Variants in GBX1 observed in about 807,000 individuals in gnomAD.
GBX1 encodes the protein homeobox protein GBX-1.
GBX1 carries 9 observed loss-of-function variants against 22.9 expected under a neutral mutation model. The observed-to-expected ratio is 0.39, with a 90% CI of 0.24 to 0.69. The LOEUF is 0.69. Among genes scored for constraint, GBX1 ranks in the 30% least tolerant of loss-of-function variants. The probability of loss-of-function intolerance (pLI) is 0.43; values close to 1 mark genes in which losing one functional copy is unlikely to be tolerated. For synonymous variants in GBX1, 203 were observed against 227.3 expected, an observed-to-expected ratio of 0.89 and a Z score of 0.96; for missense variants, 494 against 509.2, an observed-to-expected ratio of 0.97 and a Z score of 0.29.
chr7:151,167,408 G>A lies in GBX1; in HGVS notation c.141C>T (p.Pro47=). 2.6e-6 allele frequency: 4 copies of A among 1,519,850 alleles called. No individual in the cohort carries two copies. The highest frequency in any genetic ancestry group is 3.5e-6 in the Non-Finnish European group (4 of 1,135,164). The allele number at this position is 1,519,850 out of a possible 1,614,324, so 94.1% of individuals were successfully genotyped here. ...RSGHLLYTGY[P]MFMPYRPLVL... ...CGAGCGGCCGGTAGGGCATGAACAT[G>A]GGGTAGCCGGTGTACAGCAAGTGGC... The change falls in exon 1 of 2, where the codon CCC becomes CCT. Residue 47 remains proline (P), a synonymous_variant. Transcript: ENST00000297537. The surrounding 1 kb of genome is among the most constrained non-coding windows in gnomAD (Gnocchi z 5.9).
chr7:151,159,939 C>A (rs183303607), intron 1 of GBX1, among the ~76,000 whole-genome samples: 14 of 152,282 alleles, frequency 9.2e-5, no homozygotes, highest in African/African-American at 2.9e-4. Context: ...TCCCAGAAGA[C>A]AAGCCTTTTC....
At chr7:151,159,630 G>A (rs779539350) in intron 1 of GBX1, among the ~76,000 whole-genome samples, 1 of 152,100 alleles carries the variant, frequency 6.6e-6, no homozygotes, top group Non-Finnish European at 1.5e-5. Flanking sequence ...ATCCACCTCG[G>A]CCTCCGAAAG....
chr7:151,166,977 C>T lies in GBX1; in HGVS notation c.538+34G>A, dbSNP rs1210126513. ...TGTCTGGAATTTCCAGGTGAACCGG[C>T]CTCCCGCCAGCCCTGGTCGGCCCTA... On this transcript the variant is annotated intron_variant, in intron 1 of 1. Transcript: ENST00000297537. 2.5e-6 allele frequency: 4 copies of T among 1,594,580 alleles called. No homozygotes were observed. In the East Asian group the frequency reaches 9.3e-5, roughly 37 times the overall value.
At chr7:151,154,338 T>C (rs1043588696) in intron 1 of GBX1, among the ~76,000 whole-genome samples, 10 of 152,202 alleles carry the variant, frequency 6.6e-5, no homozygotes. Flanking sequence ...AAAAATTTCC[T>C]ATGGAAAATA....
Position 151,167,138 on chromosome 7 carries a change from G to C in GBX1, c.411C>G (p.Pro137=), listed in dbSNP as rs764104949. The C allele has an allele frequency of 5.0e-6, 8 of 1,602,342 alleles. No homozygotes were observed. The highest frequency in any genetic ancestry group is 1.4e-5 in the African/African-American group (1 of 73,408). The change falls in exon 1 of 2, where the codon CCC becomes CCG. Residue 137 remains proline, a synonymous_variant. Coordinates refer to ENST00000297537, the MANE Select transcript of GBX1 (RefSeq NM_001098834.3). The surrounding 1 kb of genome is among the most constrained non-coding windows in gnomAD (Gnocchi z 5.9). ...AAAATAARNN[P]EPGGRRPEGG... ...CCTCTGGGCGTCGGCCGCCTGGCTCGGGGTTGTTTCGGGCGGCAGTGGCGG... is the reference window on the plus strand; with the variant it reads ...CCTCTGGGCGTCGGCCGCCTGGCTCCGGGTTGTTTCGGGCGGCAGTGGCGG...
intron 1 of GBX1, among the ~76,000 whole-genome samples, chr7:151,157,069 G>A (rs969958129): frequency 2.6e-5 from 4 of 151,138 alleles, no homozygotes; most frequent in African/African-American, 9.7e-5. Context: ...AGGCTGAGGC[G>A]GGCAGATCAG....
chr7:151,156,577 A>T (rs370273246), intron 1 of GBX1, among the ~76,000 whole-genome samples: 30 of 152,182 alleles, frequency 2.0e-4, no homozygotes, highest in East Asian at 1.9e-3. Context: ...TCCTTTAACA[A>T]GCTACTTTTC....
At chr7:151,164,824 A>T (rs1345890498) in intron 1 of GBX1, among the ~76,000 whole-genome samples, 1 of 125,514 alleles carries the variant, frequency 8.0e-6, no homozygotes, top group African/African-American at 3.0e-5. Flanking sequence ...CGGATGATGA[A>T]GCTCTGTCAT....
chr7:151,154,056 G>A (rs868204233), intron 1 of GBX1, among the ~76,000 whole-genome samples: 2 of 152,158 alleles, frequency 1.3e-5, no homozygotes, highest in Non-Finnish European at 2.9e-5. Context: ...TGGCCAACAT[G>A]GTGAAACCCT....
At position 151,167,083 on chromosome 7, in the gene GBX1, C is replaced by A; in HGVS notation, c.466G>T (p.Ala156Ser). 6.2e-7 allele frequency: 1 copy of A among 1,602,628 alleles called. No homozygotes were observed. Residue 156 changes from alanine to serine, a missense_variant, in exon 1 of 2, where the codon GCC becomes TCC. Physicochemically the swap from Ala to Ser is moderately conservative, Grantham distance 99. Transcript: ENST00000297537. The surrounding 1 kb of genome is among the most constrained non-coding windows in gnomAD (Gnocchi z 5.9). ...GGGGGCTCTGCCACTTTCTCCCGGG[C>A]CGGCAGCAGCTCATCAGCTTCCAGC... ...GGLEADELLP[A>S]REKVAEPPPP...
chr7:151,149,275 G>A, intron 1 of GBX1, 133 bp from the exon 2 acceptor site: 1 of 805,802 alleles, frequency 1.2e-6, no homozygotes, highest in Non-Finnish European at 2.0e-6. Flanking sequence ...CCATGGAGAG[G>A]AGAAGATGGG....
chr7:151,156,983 T>TC (rs1460043135), intron 1 of GBX1, among the ~76,000 whole-genome samples: 5 of 42,252 alleles, frequency 1.2e-4, no homozygotes, highest in Admixed American at 9.2e-4. Flanking sequence ...AGACTCTGTC[T>TC]CAAAAAAAAA....
At chr7:151,154,569 A>G (rs1278581382) in intron 1 of GBX1, among the ~76,000 whole-genome samples, 10 of 152,178 alleles carry the variant, frequency 6.6e-5, no homozygotes, top group Admixed American at 6.5e-4. Context: ...GGTCAGGGGA[A>G]GTGATGGTAG....
intron 1 of GBX1, among the ~76,000 whole-genome samples, chr7:151,152,653 T>C (rs1485236004): frequency 6.6e-6 from 1 of 152,130 alleles, no homozygotes; most frequent in Non-Finnish European, 1.5e-5. Context: ...GGGTGTCCAA[T>C]AAATCTAAAT....
rs902233930 is a variant in GBX1 at position 151,156,794 on chromosome 7, T to G, written c.539-7652A>C. Among the ~76,000 whole-genome samples the G allele has an allele frequency of 2.0e-5, 3 of 150,924 alleles. No homozygotes were observed. The East Asian group carries it at 5.9e-4, about 30-fold the overall frequency. On this transcript the variant is annotated intron_variant, in intron 1 of 1. Coordinates refer to ENST00000297537, the MANE Select transcript of GBX1 (RefSeq NM_001098834.3). ...GAGGTCAGGAGTTCGAGACCAGCCT[T>G]GCCAACATGGTAAAACCCTGTTTCT...
chr7:151,154,280 G>GAATTAAAAATGTTACATGGAAAATTGCAA (rs1801110711), intron 1 of GBX1, among the ~76,000 whole-genome samples: 1 of 151,866 alleles, frequency 6.6e-6, no homozygotes. Context: ...AAATAAATAA[G>GAATTAAAAATGTTACATGGAAAATTGCAA]AATTAAAAAT....
At chr7:151,157,250 C>T (rs552794736) in intron 1 of GBX1, among the ~76,000 whole-genome samples, 9 of 152,164 alleles carry the variant, frequency 5.9e-5, no homozygotes, top group African/African-American at 2.2e-4. Context: ...GAGCCAAGAT[C>T]GCGCCACTGC....
chr7:151,160,406 T>G (rs929894406), intron 1 of GBX1, among the ~76,000 whole-genome samples: 4 of 152,210 alleles, frequency 2.6e-5, no homozygotes, highest in African/African-American at 9.7e-5. Context: ...ATTACTTCTA[T>G]TATAATATCA....
chr7:151,149,074 C>G lies in GBX1; in HGVS notation c.607G>C (p.Glu203Gln), dbSNP rs767136931. 1.9e-6 allele frequency: 3 copies of G among 1,613,470 alleles called. No individual in the cohort carries two copies. The highest frequency in any genetic ancestry group is 2.5e-6 in the Non-Finnish European group (3 of 1,180,032). Residue 203 changes from glutamate to glutamine, a missense_variant, in exon 2 of 2, where the codon GAA (glutamate) becomes CAA (glutamine). By Grantham distance (29) the Glu-to-Gln change is conservative. Around this residue, in one of 3 missense-constraint regions of GBX1, gnomAD observed 365 missense variants for 340.4 expected, o/e 1.07. Coordinates refer to ENST00000297537, the MANE Select transcript of GBX1 (RefSeq NM_001098834.3). The stretch of plus-strand genomic sequence containing the variant: ...CCGCCTGAGCCCTCTTCCTCCTGTT[C>G]GCTGCCTGCTGGGTCTCCTGCTGAT... Reference protein sequence around the residue: ...EASAGDPAGSEQEEEGSGGDS... With the variant: ...EASAGDPAGSQQEEEGSGGDS...
Sources: allele counts gnomAD v4.1 joint callset (sites outside exome capture counted in the v4.1 genomes callset), GRCh38; gene constraint gnomAD v4.1.1; regional missense constraint gnomAD v4.1.1; non-coding constraint Gnocchi (gnomAD v3.1); transcripts MANE v1.5; gene names NCBI Gene and HGNC (gene_info 2026-07-23, HGNC 2026-07-21).